MEI4: variants seen among roughly 807,000 people sequenced by gnomAD.
MEI4 encodes the protein meiotic double-stranded break formation protein 4.
In MEI4, 27 loss-of-function variants were observed where a neutral mutation model predicts 31.4. The observed-to-expected ratio is 0.86, with a 90% CI of 0.63 to 1.19. The LOEUF is 1.19. Ranked by LOEUF, MEI4 falls within the 50% of genes most tolerant of loss-of-function variation. The probability of loss-of-function intolerance (pLI) is 0.00; values close to 1 mark genes in which losing one functional copy is unlikely to be tolerated. For missense variants in MEI4, 329 were observed against 398.9 expected (o/e 0.82, Z 1.49); for synonymous variants, 122 against 145.4 (o/e 0.84, Z 1.16).
intron 2 of MEI4, among the ~76,000 whole-genome samples, chr6:77,745,466 A>C (rs1767568501): frequency 6.6e-6 from 1 of 152,248 alleles, no homozygotes; most frequent in South Asian, 2.1e-4. Flanking sequence ...CCAGATTCAT[A>C]AAGCAAGTCT....
intron 4 of MEI4, among the ~76,000 whole-genome samples, chr6:77,840,000 G>C (rs1412960424): frequency 6.6e-6 from 1 of 152,152 alleles, no homozygotes; most frequent in Admixed American, 6.6e-5. Context: ...TTTAACGCAA[G>C]TATTATAACT....
chr6:77,714,816 T>A (rs1766543777), intron 2 of MEI4, among the ~76,000 whole-genome samples: 1 of 152,164 alleles, frequency 6.6e-6, no homozygotes, highest in African/African-American at 2.4e-5. Context: ...TCCCAATAAA[T>A]GCTCCATGAT....
intron 2 of MEI4, among the ~76,000 whole-genome samples, chr6:77,759,708 C>G (rs532543972): frequency 3.7e-4 from 57 of 152,230 alleles, no homozygotes; most frequent in African/African-American, 1.4e-3. Flanking sequence ...CCAGTCAGTC[C>G]TTTTCTTTCT....
chr6:77,746,639 GTGTGT>G (rs1767614730), intron 2 of MEI4, among the ~76,000 whole-genome samples: 1 of 4,632 alleles, frequency 2.2e-4, no homozygotes, highest in African/African-American at 2.3e-3. Context: ...AATATATGGC[GTGTGT>G]GTGTGTGTGT....
intron 1 of MEI4, among the ~76,000 whole-genome samples, chr6:77,670,281 CTG>C (rs1339535310): frequency 1.3e-5 from 2 of 151,818 alleles, no homozygotes; most frequent in Admixed American, 6.6e-5. Context: ...CAGCAGCTCT[CTG>C]TGGTTTGTAG....
chr6:77,735,855 C>G (rs1177948791), intron 2 of MEI4, among the ~76,000 whole-genome samples: 1 of 152,042 alleles, frequency 6.6e-6, no homozygotes, highest in Non-Finnish European at 1.5e-5. Flanking sequence ...TTCTAACAGA[C>G]AGGACCCTCA....
At chr6:77,835,576 T>C (rs11753749) in intron 4 of MEI4, among the ~76,000 whole-genome samples, 24,130 of 151,886 alleles carry the variant, frequency 0.16, 2,029 homozygotes, top group East Asian at 0.27. Flanking sequence ...TGACACAATA[T>C]CTTTTTAAAA....
chr6:77,790,143 A>T (rs1016497165), intron 3 of MEI4, among the ~76,000 whole-genome samples: 1 of 151,490 alleles, frequency 6.6e-6, no homozygotes, highest in Non-Finnish European at 1.5e-5. Context: ...TTCTCAGCAA[A>T]GTATCACAAG....
rs180774129 is a variant in MEI4 at position 77,905,351 on chromosome 6, G to C, written c.901-17738G>C. Among the ~76,000 whole-genome samples the C allele has an allele frequency of 1.7e-3, 261 of 151,270 alleles. 2 individuals carry two copies. In the Middle Eastern group the frequency reaches 0.024, roughly 14 times the overall value. ...CTCTCATGATCCTCTCTTTGACTTT[G>C]ATTTTTGAATCCATGGCTATAATAT... is the stretch of plus-strand genomic sequence containing the variant. On this transcript the variant is annotated intron_variant, in intron 4 of 4. Coordinates refer to ENST00000684080, the MANE Select transcript of MEI4 (RefSeq NM_001322247.2).
chr6:77,850,963 A>G (rs887303945), intron 4 of MEI4, among the ~76,000 whole-genome samples: 1 of 152,162 alleles, frequency 6.6e-6, no homozygotes, highest in African/African-American at 2.4e-5. Context: ...AACCCCATCA[A>G]AAAGTGGGCA....
At chr6:77,776,312 A>T (rs944104950) in intron 3 of MEI4, among the ~76,000 whole-genome samples, 3 of 152,002 alleles carry the variant, frequency 2.0e-5, no homozygotes, top group Non-Finnish European at 4.4e-5. Context: ...ACCAGTATTA[A>T]TTTTGACTCT....
Position 77,864,411 on chromosome 6 carries a change from A to C in MEI4, c.900+35349A>C, listed in dbSNP as rs556363125. 4.1e-4 allele frequency among the ~76,000 whole-genome samples: 62 copies of C among 149,856 alleles called. 1 individual carries two copies. The Middle Eastern group carries it at 0.011, about 26-fold the overall frequency. On this transcript the variant is annotated intron_variant, in intron 4 of 4. Coordinates refer to ENST00000684080, the MANE Select transcript of MEI4 (RefSeq NM_001322247.2). ...ATCTACCAAGCAAATGGAAAACAAA[A>C]AAAGGCAGGGGTTGCAATCCTAGTC...
In MEI4 at chr6:77,909,542, G is replaced by A. The variant is rs535582357; in HGVS notation, c.901-13547G>A. On this transcript the variant is annotated intron_variant, in intron 4 of 4. Coordinates refer to ENST00000684080, the MANE Select transcript of MEI4 (RefSeq NM_001322247.2). Reference sequence around the variant, plus strand: ...GAATCTCTGAATAGACCAGTAACAGGCTCTGAAATTGAGGCAATATTTAAT... The same window carrying A: ...GAATCTCTGAATAGACCAGTAACAGACTCTGAAATTGAGGCAATATTTAAT... 3.9e-5 allele frequency among the ~76,000 whole-genome samples: 6 copies of A among 152,202 alleles called. No individual in the cohort carries two copies. The East Asian group carries it at 9.7e-4, about 25-fold the overall frequency.
chr6:77,734,928 A>G (rs1212241490), intron 2 of MEI4, among the ~76,000 whole-genome samples: 1 of 151,874 alleles, frequency 6.6e-6, no homozygotes, highest in African/African-American at 2.4e-5. Flanking sequence ...TTCTGGGTTG[A>G]AAATTCTTTT....
At chr6:77,709,226 A>G (rs1490469730) in intron 2 of MEI4, among the ~76,000 whole-genome samples, 1 of 152,212 alleles carries the variant, frequency 6.6e-6, no homozygotes, top group Non-Finnish European at 1.5e-5. Flanking sequence ...TTGCATCCAG[A>G]GGAAGCTGTT....
chr6:77,923,143 G>A lies in MEI4; in HGVS notation c.955G>A (p.Val319Ile), dbSNP rs992804239. The A allele has an allele frequency of 4.1e-6, 5 of 1,230,394 alleles. No homozygotes were observed. Among genetic ancestry groups the A allele is most frequent in the Non-Finnish European group, 5.1e-6 (5 of 986,868 alleles). The allele number at this position is 1,230,394 out of a possible 1,614,324, so 76.2% of individuals were successfully genotyped here. Reference sequence around the variant, plus strand: ...TGAAAACATTTTCTACCTGTTCTGGGTTCTGGAGCAGCTTCTTCAAAAGGA... The same window carrying A: ...TGAAAACATTTTCTACCTGTTCTGGATTCTGGAGCAGCTTCTTCAAAAGGA... ...RYENIFYLFW[V>I]LEQLLQKETE... Residue 319 changes from valine (V) to isoleucine (I), a missense_variant, in exon 5 of 5, where the codon GTT (valine) becomes ATT (isoleucine). Physicochemically the swap from Val to Ile is conservative, Grantham distance 29. Transcript: ENST00000684080.
intron 4 of MEI4, among the ~76,000 whole-genome samples, chr6:77,855,941 T>A (rs1338444616): frequency 6.6e-6 from 1 of 152,176 alleles, no homozygotes; most frequent in Non-Finnish European, 1.5e-5. Flanking sequence ...TTAAAAACCA[T>A]AACATCACTT....
chr6:77,823,204 C>T (rs947800260), intron 3 of MEI4, among the ~76,000 whole-genome samples: 2 of 152,062 alleles, frequency 1.3e-5, no homozygotes, highest in Non-Finnish European at 2.9e-5. Context: ...CAGAAACTTA[C>T]TCTAAACTAT....
At chr6:77,918,670 T>G (rs1427862602) in intron 4 of MEI4, among the ~76,000 whole-genome samples, 3 of 151,990 alleles carry the variant, frequency 2.0e-5, no homozygotes, top group Non-Finnish European at 4.4e-5. Context: ...GATTTTGGGC[T>G]GAGACAATGG....
Sources: allele counts gnomAD v4.1 joint callset (sites outside exome capture counted in the v4.1 genomes callset), GRCh38; gene constraint gnomAD v4.1.1; transcripts MANE v1.5; gene names NCBI Gene and HGNC (gene_info 2026-07-23, HGNC 2026-07-21).